The following ATF3 variants were observed in gnomAD, a reference collection of about 807,000 sequenced individuals.
ATF3 encodes the protein cyclic AMP-dependent transcription factor ATF-3.
Under a neutral mutation model 18.4 loss-of-function variants are expected in ATF3, and 10 were observed. The observed-to-expected ratio is 0.54, with a 90% confidence interval of 0.34 to 0.92. The LOEUF is 0.92. Among genes scored for constraint, ATF3 ranks in the 40% least tolerant of loss-of-function variants. The pLI is 0.02. For synonymous variants in ATF3, 78 were observed against 87.9 expected (o/e 0.89, Z 0.63); for missense variants, 183 against 222.3 (o/e 0.82, Z 1.12).
chr1:212,589,819 T>A (rs1351386393), intron 1 of ATF3, among the ~76,000 whole-genome samples: 2 of 145,326 alleles, frequency 1.4e-5, no homozygotes, highest in African/African-American at 5.2e-5. Flanking sequence ...TTTTTTTTTT[T>A]AAGGAAAAAA....
intron 1 of ATF3, among the ~76,000 whole-genome samples, chr1:212,578,146 G>A (rs1443379542): frequency 1.3e-5 from 2 of 152,228 alleles, no homozygotes; most frequent in African/African-American, 4.8e-5. Flanking sequence ...GTTAACTTAT[G>A]ATTATCTCTT....
chr1:212,606,256 T>C (rs1312422067), upstream of ATF3, among the ~76,000 whole-genome samples: 1 of 151,986 alleles, frequency 6.6e-6, no homozygotes, highest in Non-Finnish European at 1.5e-5. Flanking sequence ...TGGGTAAGAG[T>C]TTCATTCAAG....
chr1:212,565,942 T>C (rs1051278350), intron 1 of ATF3, among the ~76,000 whole-genome samples: 1 of 152,160 alleles, frequency 6.6e-6, no homozygotes, highest in Non-Finnish European at 1.5e-5. Flanking sequence ...TTCTCCTCCT[T>C]GACATTCCTG....
At chr1:212,580,261 A>C (rs1485918768) in intron 1 of ATF3, among the ~76,000 whole-genome samples, 1 of 152,260 alleles carries the variant, frequency 6.6e-6, no homozygotes, top group African/African-American at 2.4e-5. Flanking sequence ...TCTTCTCTAC[A>C]GAGTGTGAGC....
chr1:212,604,995 G>T (rs1246407989), upstream of ATF3, among the ~76,000 whole-genome samples: 1 of 152,148 alleles, frequency 6.6e-6, no homozygotes, highest in Non-Finnish European at 1.5e-5. Flanking sequence ...CATTCCTGGA[G>T]ATCGCTTGAC....
intron 1 of ATF3, among the ~76,000 whole-genome samples, chr1:212,601,388 A>T (rs1354223132): frequency 6.6e-6 from 1 of 152,252 alleles, no homozygotes; most frequent in Non-Finnish European, 1.5e-5. Flanking sequence ...GCATCTGTGC[A>T]TTCAGCAAGA....
chr1:212,607,445 C>A (rs1654669032), upstream of ATF3, among the ~76,000 whole-genome samples: 1 of 152,218 alleles, frequency 6.6e-6, no homozygotes, highest in African/African-American at 2.4e-5. Flanking sequence ...GCTCTCTGAG[C>A]AGAAATTGTT....
chr1:212,582,197 G>T (rs1483489878), intron 1 of ATF3, among the ~76,000 whole-genome samples: 2 of 152,138 alleles, frequency 1.3e-5, no homozygotes, highest in African/African-American at 2.4e-5. Context: ...GATTTATCTG[G>T]AATTCACACT....
upstream of ATF3, among the ~76,000 whole-genome samples, chr1:212,607,624 C>T (rs956932073): frequency 1.1e-4 from 17 of 152,248 alleles, no homozygotes; most frequent in African/African-American, 4.1e-4. Context: ...CGTCCCCATT[C>T]CGGGCCGTCC....
At position 212,619,239 on chromosome 1, in the gene ATF3, C is replaced by T; in HGVS notation, c.349-119C>T. On this transcript the variant is annotated intron_variant, in intron 3 of 3. Coordinates refer to ENST00000341491, the MANE Select transcript of ATF3 (RefSeq NM_001674.4). This position sits in a 1 kb window ranked among gnomAD's most constrained non-coding sequence, Gnocchi z 4.4. ...TCTCCCATCTCCCATCTTCCTCTCG[C>T]AGCTTGATGAGCCCCGGTGTGTCCC... 6.2e-7 allele frequency: 1 copy of T among 1,610,508 alleles called. No homozygotes were observed. The highest frequency in any genetic ancestry group is 8.5e-7 in the Non-Finnish European group (1 of 1,179,156).
At chr1:212,603,581 A>G (rs1441306366) in intron 1 of ATF3, among the ~76,000 whole-genome samples, 1 of 152,224 alleles carries the variant, frequency 6.6e-6, no homozygotes, top group East Asian at 1.9e-4. Context: ...TTGAATTTGT[A>G]TAGCATTCAA....
intron 1 of ATF3, among the ~76,000 whole-genome samples, chr1:212,571,637 T>C (rs1343787361): frequency 6.6e-6 from 1 of 152,100 alleles, no homozygotes; most frequent in Non-Finnish European, 1.5e-5. Flanking sequence ...CTTGAACTCC[T>C]GACCTCAGTT....
intron 1 of ATF3, among the ~76,000 whole-genome samples, chr1:212,591,253 T>C (rs779414203): frequency 6.6e-6 from 1 of 152,184 alleles, no homozygotes; most frequent in Non-Finnish European, 1.5e-5. Flanking sequence ...CTCCCCAGGC[T>C]CCTTAGACAG....
chr1:212,600,673 T>A (rs1654456071), intron 1 of ATF3, among the ~76,000 whole-genome samples: 1 of 152,234 alleles, frequency 6.6e-6, no homozygotes, highest in Non-Finnish European at 1.5e-5. Context: ...CCATCAGCTC[T>A]TGCCAGCTTT....
At chr1:212,574,399 A>G (rs752217344) in intron 1 of ATF3, among the ~76,000 whole-genome samples, 24 of 152,020 alleles carry the variant, frequency 1.6e-4, no homozygotes, top group Non-Finnish European at 2.9e-4. Flanking sequence ...CAAATAATCA[A>G]GCTTATATAA....
At chr1:212,581,034 G>A (rs1216352899) in intron 1 of ATF3, among the ~76,000 whole-genome samples, 1 of 151,626 alleles carries the variant, frequency 6.6e-6, no homozygotes, top group Admixed American at 6.5e-5. Context: ...CTCCCAAAGT[G>A]ATGGGATGAC....
intron 1 of ATF3, among the ~76,000 whole-genome samples, chr1:212,593,370 A>G (rs1174485135): frequency 3.3e-5 from 5 of 151,942 alleles, no homozygotes; most frequent in Non-Finnish European, 7.4e-5. Flanking sequence ...CAGCACATCA[A>G]CATGGTACAT....
chr1:212,599,560 T>TCTCTCTC (rs1320923037), intron 1 of ATF3, among the ~76,000 whole-genome samples: 3 of 152,152 alleles, frequency 2.0e-5, no homozygotes, highest in Non-Finnish European at 4.4e-5. Context: ...TCTTCCTCCC[T>TCTCTCTC]CTCTCTCCTC....
chr1:212,604,213 G>A (rs745651430), upstream of ATF3, among the ~76,000 whole-genome samples: 19 of 152,284 alleles, frequency 1.2e-4, no homozygotes, highest in East Asian at 2.1e-3. Context: ...CTGAGACATC[G>A]TGTTTATGAC....
Sources: gnomAD v4.1 joint callset for allele counts (sites outside exome capture counted in the v4.1 genomes callset) on GRCh38, gnomAD v4.1.1 for gene constraint, Gnocchi (gnomAD v3.1) non-coding constraint, MANE v1.5 for transcripts, NCBI Gene and HGNC (gene_info 2026-07-23, HGNC 2026-07-21) for gene names.